RPS25: variants seen among roughly 807,000 people sequenced by gnomAD.
The protein encoded by RPS25 is small ribosomal subunit protein eS25.
RPS25 carries 1 observed loss-of-function variant against 14.4 expected under a neutral mutation model. The observed-to-expected ratio is 0.07, with a 90% CI of 0.02 to 0.33. The LOEUF (loss-of-function observed/expected upper bound fraction) is 0.33. RPS25 is among the 10% of genes least tolerant of loss of function. The pLI is 1.00. For missense variants in RPS25, 65 were observed against 144.6 expected (o/e 0.45, Z 2.82); for synonymous variants, 63 against 53.8 (o/e 1.17, Z -0.75).
intron 3 of RPS25, 35 bp from the exon 4 acceptor site, chr11:119,015,974 CAG>C (rs1565674669): frequency 3.1e-6 from 4 of 1,278,222 alleles, no homozygotes; most frequent in Non-Finnish European, 3.4e-6. Context: ...AGATGCTTAA[CAG>C]ATGCTACAAT....
intron 1 of RPS25, 26 bp downstream of exon 1, chr11:119,018,256 G>A: frequency 1.2e-6 from 2 of 1,614,084 alleles, no homozygotes; most frequent in African/African-American, 1.3e-5. Flanking sequence ...CAAGAACGCC[G>A]GCGACTTCAC....
chr11:119,018,100 A>C (rs782439162), intron 1 of RPS25, 47 bp from the exon 2 acceptor site: 3 of 1,590,310 alleles, frequency 1.9e-6, no homozygotes, highest in Admixed American at 3.3e-5. Flanking sequence ...AATAGCGCCA[A>C]AGTCCCCTAA....
At chr11:119,015,810 C>T in intron 4 of RPS25, 31 bp downstream of exon 4, 4 of 1,450,620 alleles carry the variant, frequency 2.8e-6, no homozygotes, top group Non-Finnish European at 3.9e-6. Context: ...TATCTACCTC[C>T]TACACCATGA....
chr11:119,017,713 C>T, intron 2 of RPS25, 168 bp from the exon 3 acceptor site: 3 of 734,994 alleles, frequency 4.1e-6, no homozygotes, highest in Non-Finnish European at 6.7e-6. Context: ...GGCCTTCAAA[C>T]AGGGGCCGAG....
rs1284506624 is a variant in RPS25, at chr11:119,018,191, C to A, written c.3+91G>T. 6 of 1,597,230 alleles carry A rather than the reference C, an allele frequency of 3.8e-6. No homozygotes were observed. In the East Asian group the frequency reaches 1.3e-4, roughly 36 times the overall value. ...AACCGCGCCCGCCCTGCAACCGAGGCCGGCAGGCCAAGGAGCGCTCCCGCC... is the reference window on the plus strand; with the variant it reads ...AACCGCGCCCGCCCTGCAACCGAGGACGGCAGGCCAAGGAGCGCTCCCGCC... On this transcript the variant is annotated intron_variant, in intron 1 of 4. Coordinates refer to ENST00000527673, the MANE Select transcript of RPS25 (RefSeq NM_001028.3).
At chr11:119,015,985 A>G in intron 3 of RPS25, 46 bp from the exon 4 acceptor site, 1 of 1,210,692 alleles carries the variant, frequency 8.3e-7, no homozygotes, top group Non-Finnish European at 1.2e-6. Flanking sequence ...AGATGCTACA[A>G]TAGAAACTAG....
At position 119,018,343 on chromosome 11, in the gene RPS25, G is replaced by T; in HGVS notation, c.-59C>A. The T allele has an allele frequency of 1.2e-6, 2 of 1,613,162 alleles. No individual in the cohort carries two copies. The highest frequency in any genetic ancestry group is 1.7e-6 in the Non-Finnish European group (2 of 1,179,530). On this transcript the variant is annotated 5_prime_UTR_variant, in exon 1 of 5. Coordinates refer to ENST00000527673, the MANE Select transcript of RPS25 (RefSeq NM_001028.3). ...GCCTCGTCAAGATGTCGGACAAAAA[G>T]GAAGCGCTGCTCAGAAACGGGCCCA...
chr11:119,017,761 G>T, intron 2 of RPS25, 197 bp downstream of exon 2: 1 of 662,348 alleles, frequency 1.5e-6, no homozygotes, highest in Non-Finnish European at 2.6e-6. Flanking sequence ...AGCAGGCACA[G>T]CGGCAGACAC....
chr11:119,017,791 T>C, intron 2 of RPS25, 167 bp downstream of exon 2: 1 of 679,620 alleles, frequency 1.5e-6, no homozygotes, highest in East Asian at 2.7e-5. Flanking sequence ...CAGACCCATT[T>C]TCATGATCCT....
chr11:119,016,634 ACCC>A (rs11297997), intron 3 of RPS25, among the ~76,000 whole-genome samples: 1 of 101,730 alleles, frequency 9.8e-6, no homozygotes, highest in African/African-American at 3.2e-5. Flanking sequence ...ATTATCTTCC[ACCC>A]CCCCCCCCTT....
At chr11:119,016,825 T>C (rs989206729) in intron 3 of RPS25, among the ~76,000 whole-genome samples, 2 of 152,088 alleles carry the variant, frequency 1.3e-5, no homozygotes, top group Admixed American at 6.6e-5. Context: ...TTTCACCATA[T>C]TGGCCAGGCT....
At chr11:119,016,551 C>A (rs1943161112) in intron 3 of RPS25, among the ~76,000 whole-genome samples, 1 of 151,838 alleles carries the variant, frequency 6.6e-6, no homozygotes, top group South Asian at 2.1e-4. Context: ...ATTGCTTAAT[C>A]TGACGTTCGG....
rs1943216099 is a variant in RPS25, at chr11:119,018,301, TAGC to T, written c.-20_-18del. ...GCTTACCATTGCGAAGCTCGGAGAA[TAGC>T]AGCAGACACCGCAGCCTCGTCAAGA... On this transcript the variant is annotated 5_prime_UTR_variant, in exon 1 of 5. Coordinates refer to ENST00000527673, the MANE Select transcript of RPS25 (RefSeq NM_001028.3). 2 of 1,614,106 alleles carry T rather than the reference TAGC, an allele frequency of 1.2e-6. No homozygotes were observed. Among genetic ancestry groups the T allele is most frequent in the African/African-American group, 1.3e-5 (1 of 75,046 alleles).
chr11:119,017,790 T>G lies in RPS25; in HGVS notation c.99+168A>C, dbSNP rs951699446. ...CAGACACTTCGCACAACAGACCCAT[T>G]TTCATGATCCTAATGGGAAAAAGAA... On this transcript the variant is annotated intron_variant, in intron 2 of 4. Transcript: ENST00000527673. The G allele has an allele frequency of 4.4e-6, 3 of 679,236 alleles. No individual in the cohort carries two copies. The African/African-American group carries it at 5.4e-5, about 12-fold the overall frequency. The allele number at this position is 679,236 out of a possible 1,614,324, so 42.1% of individuals were successfully genotyped here. A position where few individuals can be genotyped will look rare whatever the true frequency, so the allele number is the denominator to read the frequency against.
At chr11:119,017,681 A>G in intron 2 of RPS25, 136 bp from the exon 3 acceptor site, 3 of 874,258 alleles carry the variant, frequency 3.4e-6, no homozygotes, top group Non-Finnish European at 5.2e-6. Flanking sequence ...CAAAAACAAA[A>G]AAAAAACACC....
At position 119,017,309 on chromosome 11, in the gene RPS25, A is replaced by G. The variant is rs189201586; in HGVS notation, c.283+53T>C. 1.4e-4 allele frequency: 186 copies of G among 1,351,902 alleles called. No homozygotes were observed. In the African/African-American group the frequency reaches 2.5e-3, roughly 18 times the overall value. 83.7% of individuals were successfully genotyped at this position (1,351,902 alleles called of 1,614,324 possible). A position where few individuals can be genotyped will look rare whatever the true frequency, so the allele number is the denominator to read the frequency against. The stretch of plus-strand genomic sequence containing the variant: ...AGCAAAACCACTGAAGATGCTTAAC[A>G]TGGTCAAGACAATTTAACCTACAAA... On this transcript the variant is annotated intron_variant, in intron 3 of 4. Coordinates refer to ENST00000527673, the MANE Select transcript of RPS25 (RefSeq NM_001028.3).
At chr11:119,015,804 TACCTCCTAC>T in intron 4 of RPS25, 28 bp downstream of exon 4, 1 of 1,404,632 alleles carries the variant, frequency 7.1e-7, no homozygotes, top group Non-Finnish European at 1.0e-6. Context: ...GCTTTGTATC[TACCTCCTAC>T]ACCATGAGCC....
rs782505726 is a variant in RPS25, at chr11:119,017,314, C to G, written c.283+48G>C. The G allele has an allele frequency of 4.3e-6, 6 of 1,396,044 alleles. No individual in the cohort carries two copies. In the South Asian group the frequency reaches 8.4e-5, roughly 19 times the overall value. 86.5% of individuals were successfully genotyped at this position (1,396,044 alleles called of 1,614,324 possible). On this transcript the variant is annotated intron_variant, in intron 3 of 4. Coordinates refer to ENST00000527673, the MANE Select transcript of RPS25 (RefSeq NM_001028.3). ...AACCACTGAAGATGCTTAACATGGT[C>G]AAGACAATTTAACCTACAAAAACAC...
At chr11:119,017,816 C>T in intron 2 of RPS25, 142 bp downstream of exon 2, 1 of 726,874 alleles carries the variant, frequency 1.4e-6, no homozygotes, top group Admixed American at 2.5e-5. Context: ...GGAAAAAGAA[C>T]GAGTGGTGAC....
Sources: gnomAD v4.1 joint callset for allele counts (sites outside exome capture counted in the v4.1 genomes callset) on GRCh38, gnomAD v4.1.1 for gene constraint, MANE v1.5 for transcripts, NCBI Gene and HGNC (gene_info 2026-07-23, HGNC 2026-07-21) for gene names.